SANBR: variants seen among roughly 807,000 people sequenced by gnomAD.
SANBR encodes the protein SANT and BTB domain regulator of class switch recombination.
Under a neutral mutation model 101.8 loss-of-function variants are expected in SANBR, and 77 were observed. That is an observed-to-expected ratio of 0.76 (90% CI 0.63 to 0.91). The LOEUF is 0.91. Ranked by LOEUF, SANBR falls within the 40% of genes least tolerant of loss-of-function variation. SANBR has a pLI of 0.00. For synonymous variants in SANBR, 279 were observed against 274.7 expected (o/e 1.02, Z -0.15); for missense variants, 875 against 853.0 (o/e 1.03, Z -0.32).
chr2:61,108,785 A>G (rs1683688137), intron 15 of SANBR, among the ~76,000 whole-genome samples: 1 of 152,174 alleles, frequency 6.6e-6, no homozygotes, highest in African/African-American at 2.4e-5. Flanking sequence ...GCAGGAAAGT[A>G]ATGCAGATAT....
rs748537066 is a variant in SANBR at position 61,083,241 on chromosome 2, C to G, written c.817C>G (p.Leu273Val). The change falls in exon 8 of 22, where the codon CTC becomes GTC. Residue 273 changes from leucine (L) to valine (V), a missense_variant. Transcript: ENST00000402291. ...CATGAACTGTATTAATGCAAATCTTCTCACACGTATAGCTGATCTGTTCTC... is the reference window on the plus strand; with the variant it reads ...CATGAACTGTATTAATGCAAATCTTGTCACACGTATAGCTGATCTGTTCTC... The part of the protein sequence containing the change: ...CNMNCINANL[L>V]TRIADLFSHN... 6.2e-7 allele frequency: 1 copy of G among 1,610,832 alleles called. No individual in the cohort carries two copies. Among genetic ancestry groups the G allele is most frequent in the Admixed American group, 1.7e-5 (1 of 60,002 alleles).
intron 21 of SANBR, 44 bp downstream of exon 21, chr2:61,121,320 T>G: frequency 7.2e-7 from 1 of 1,387,770 alleles, no homozygotes; most frequent in Non-Finnish European, 1.0e-6. Context: ...GGCTTTGAAG[T>G]GAATTTTTTT....
Position 61,123,651 on chromosome 2 carries a change from G to A in SANBR, c.*1489G>A. 2.0e-6 allele frequency: 2 copies of A among 985,336 alleles called. No homozygotes were observed. Among genetic ancestry groups the A allele is most frequent in the Non-Finnish European group, 2.4e-6 (2 of 829,732 alleles). 61.0% of individuals were successfully genotyped at this position (985,336 alleles called of 1,614,324 possible). On this transcript the variant is annotated 3_prime_UTR_variant, in exon 22 of 22. Transcript: ENST00000402291. The stretch of plus-strand genomic sequence containing the variant: ...TGGATTTGTACATGTAAACAGTGCT[G>A]TAATGGTCACGACTAGATAAGGAAA...
chr2:61,074,201 A>G (rs1413393196), intron 5 of SANBR, among the ~76,000 whole-genome samples: 4 of 152,214 alleles, frequency 2.6e-5, no homozygotes, highest in Admixed American at 6.5e-5. Context: ...TGCTTTATAT[A>G]TAATTCATAT....
chr2:61,073,383 A>G, intron 4 of SANBR, 75 bp from the exon 5 acceptor site: 1 of 648,272 alleles, frequency 1.5e-6, no homozygotes, highest in Non-Finnish European at 2.6e-6. Context: ...CATTCAATAA[A>G]TAAAAACCCA....
chr2:61,092,604 T>TA lies in SANBR; in HGVS notation c.1212+20dup. On this transcript the variant is annotated intron_variant, in intron 11 of 21. Transcript: ENST00000402291. Reference sequence around the variant, plus strand: ...TGTTATCAGGTAAGATTTTTTTTTTTAAATATCCTGCTCTGCAAATATTGA... The same window carrying TA: ...TGTTATCAGGTAAGATTTTTTTTTTTAAAATATCCTGCTCTGCAAATATTGA... 1 of 1,549,160 alleles carries TA rather than the reference T, an allele frequency of 6.5e-7. No homozygotes were observed.
At chr2:61,083,937 ACTCT>A (rs1358737803) in intron 8 of SANBR, among the ~76,000 whole-genome samples, 3 of 149,840 alleles carry the variant, frequency 2.0e-5, no homozygotes, top group Admixed American at 6.7e-5. Context: ...ATTAATTTTT[ACTCT>A]CTCTTTTCAT....
chr2:61,110,916 G>A (rs1019844827), intron 16 of SANBR, among the ~76,000 whole-genome samples: 1 of 151,850 alleles, frequency 6.6e-6, no homozygotes, highest in African/African-American at 2.4e-5. Flanking sequence ...ACAACTTAGT[G>A]AACCCGTAAC....
chr2:61,092,417 CAA>C (rs1559103919), intron 10 of SANBR, 45 bp from the exon 11 acceptor site: 2 of 1,390,460 alleles, frequency 1.4e-6, no homozygotes, highest in Non-Finnish European at 1.9e-6. Context: ...ATAAATAAAA[CAA>C]ATTGTTTATA....
At chr2:61,134,585 C>T (rs996541537) in intron 21 of SANBR, among the ~76,000 whole-genome samples, 2 of 152,194 alleles carry the variant, frequency 1.3e-5, no homozygotes, top group African/African-American at 4.8e-5. Flanking sequence ...CTCTTCTGCT[C>T]TATTAGAAAT....
At chr2:61,116,152 T>G (rs1198942840) in intron 17 of SANBR, 82 bp downstream of exon 17, 4 of 911,162 alleles carry the variant, frequency 4.4e-6, no homozygotes, top group Non-Finnish European at 6.8e-6. Flanking sequence ...AAAAGAGTAA[T>G]GAAGACACAT....
Position 61,122,942 on chromosome 2 carries a change from G to A in SANBR, c.*780G>A, listed in dbSNP as rs1036958336. ...ATTTCTGTTATATGAGACACCCACT[G>A]TACAGTTCTCAGGGCTCTAAAACCC... is the stretch of plus-strand genomic sequence containing the variant. On this transcript the variant is annotated 3_prime_UTR_variant, in exon 22 of 22. Coordinates refer to ENST00000402291, the MANE Select transcript of SANBR (RefSeq NM_001129993.3). 3.3e-5 allele frequency: 33 copies of A among 985,202 alleles called. No individual in the cohort carries two copies. Among genetic ancestry groups the A allele is most frequent in the African/African-American group, 1.0e-4 (6 of 57,200 alleles). The allele number at this position is 985,202 out of a possible 1,614,324, so 61.0% of individuals were successfully genotyped here.
intron 10 of SANBR, chr2:61,089,018 A>G (rs2104894071): frequency 1.2e-5 from 11 of 933,178 alleles, no homozygotes; most frequent in African/African-American, 1.8e-5. Context: ...AAATTATTGT[A>G]TATTAATCTT....
chr2:61,122,078 A>G (rs776682564), intron 21 of SANBR, 48 bp from the exon 22 acceptor site: 37 of 1,537,538 alleles, frequency 2.4e-5, no homozygotes, highest in Admixed American at 4.2e-5. Context: ...CCAACTTCCT[A>G]TTGTTTTAGA....
At chr2:61,083,391 T>G in intron 8 of SANBR, 77 bp downstream of exon 8, 1 of 957,354 alleles carries the variant, frequency 1.0e-6, no homozygotes, top group Non-Finnish European at 1.6e-6. Context: ...GAGTGAAATA[T>G]TCTTTCTTTT....
chr2:61,134,101 A>T, intron 20 of SANBR: 1 of 1,609,480 alleles, frequency 6.2e-7, no homozygotes, highest in Non-Finnish European at 8.5e-7. Flanking sequence ...TATATCCATC[A>T]TGCATAGGGT....
In SANBR at chr2:61,081,499, A is replaced by G. The variant is rs760283169; in HGVS notation, c.718A>G (p.Met240Val). The G allele has an allele frequency of 1.9e-6, 3 of 1,574,968 alleles. No individual in the cohort carries two copies. Among genetic ancestry groups the G allele is most frequent in the South Asian group, 1.2e-5 (1 of 83,896 alleles). Residue 240 changes from methionine (M) to valine (V), a missense_variant, in exon 7 of 22, where the codon ATG becomes GTG. By Grantham distance (21) the Met-to-Val change is conservative. Coordinates refer to ENST00000402291, the MANE Select transcript of SANBR (RefSeq NM_001129993.3). ...TCTTATTTCTTCGGAGTTTTTAAAA[A>G]TGGATTCACTAGTAAGTATTGACTT... ...SILISSEFLK[M>V]DSLVEQCIQY...
At chr2:61,101,565 C>G (rs937980990) in intron 12 of SANBR, among the ~76,000 whole-genome samples, 1 of 151,012 alleles carries the variant, frequency 6.6e-6, no homozygotes, top group Non-Finnish European at 1.5e-5. Flanking sequence ...AACGCCTTCT[C>G]TACTAAAAAT....
chr2:61,121,347 T>G (rs1285087828), intron 21 of SANBR, 71 bp downstream of exon 21: 4 of 973,798 alleles, frequency 4.1e-6, no homozygotes, highest in Non-Finnish European at 6.3e-6. Context: ...ATAAATCATA[T>G]GAACACTAGA....
Sources: gnomAD v4.1 joint callset for allele counts (sites outside exome capture counted in the v4.1 genomes callset) on GRCh38, gnomAD v4.1.1 for gene constraint, MANE v1.5 for transcripts, NCBI Gene and HGNC (gene_info 2026-07-23, HGNC 2026-07-21) for gene names.